ZNF268: variants seen among roughly 807,000 people sequenced by gnomAD.
The protein encoded by ZNF268 is zinc finger protein 3.
Under a neutral mutation model 29.3 loss-of-function variants are expected in ZNF268, and 20 were observed. That is an observed-to-expected ratio of 0.68 (90% CI 0.48 to 0.99). ZNF268 has a LOEUF of 0.99. Ranked by LOEUF, ZNF268 falls within the 50% of genes least tolerant of loss-of-function variation. The pLI, the probability that ZNF268 is intolerant of heterozygous loss-of-function variation, is 0.00. For missense variants in ZNF268, 1,240 were observed against 1,121.6 expected (o/e 1.11, Z -1.51); for synonymous variants, 429 against 376.9 (o/e 1.14, Z -1.60).
At chr12:133,186,767 G>T (rs1019095590) in intron 2 of ZNF268, among the ~76,000 whole-genome samples, 32 of 152,276 alleles carry the variant, frequency 2.1e-4, no homozygotes, top group African/African-American at 7.2e-4. Context: ...CTATTGATAT[G>T]TGCTATGACA....
chr12:133,193,543 A>G lies in ZNF268; in HGVS notation c.457+1540A>G, dbSNP rs1956524705. On this transcript the variant is annotated intron_variant, in intron 5 of 5. Coordinates refer to ENST00000536435, the MANE Select transcript of ZNF268 (RefSeq NM_003415.3). ...GCTGCATCCTCTGGAGGTGAGGAAC[A>G]CTGTGGGACAGAAAGAGGGGCAAAA... 4 of 663,594 alleles carry G rather than the reference A, an allele frequency of 6.0e-6. No homozygotes were observed. In the South Asian group the frequency reaches 6.7e-5, roughly 11 times the overall value. 41.1% of individuals were successfully genotyped at this position (663,594 alleles called of 1,614,324 possible). A position where few individuals can be genotyped will look rare whatever the true frequency, so the allele number is the denominator to read the frequency against.
chr12:133,211,135 T>C lies in ZNF268; in HGVS notation c.*6605T>C. On this transcript the variant is annotated 3_prime_UTR_variant, in exon 6 of 6. Coordinates refer to ENST00000536435, the MANE Select transcript of ZNF268 (RefSeq NM_003415.3). The stretch of plus-strand genomic sequence containing the variant: ...GATTTCCTATATATTTGAAATAATG[T>C]ATAGCAATAATTGGAATTTGTAATG... 1 of 393,478 alleles carries C rather than the reference T, an allele frequency of 2.5e-6. No individual in the cohort carries two copies. 24.4% of individuals were successfully genotyped at this position (393,478 alleles called of 1,614,324 possible).
chr12:133,211,317 C>G lies in ZNF268; in HGVS notation c.*6787C>G, dbSNP rs1434610518. 2.9e-6 allele frequency: 1 copy of G among 339,144 alleles called. No homozygotes were observed. The highest frequency in any genetic ancestry group is 4.1e-5 in the Admixed American group (1 of 24,186). 21.0% of individuals were successfully genotyped at this position (339,144 alleles called of 1,614,324 possible). On this transcript the variant is annotated 3_prime_UTR_variant, in exon 6 of 6. Coordinates refer to ENST00000536435, the MANE Select transcript of ZNF268 (RefSeq NM_003415.3). ...CAGATGGTGGCCAGGCACGGTGGCT[C>G]ACGCCTGTAATCCCAGCACTTTGGG...
chr12:133,203,315 CAT>C lies in ZNF268; in HGVS notation c.1630_1631del (p.Ile544TyrfsTer13). On this transcript the variant is annotated frameshift_variant, in exon 6 of 6. Transcript: ENST00000536435. LOFTEE classifies it low-confidence loss of function (END_TRUNC). ...AAGCCTTCAGTTTTAAATCACAGCT[CAT>C]TATACATCAGAGGATTCATACAGGA... Reference protein sequence around the residue: ...GKAFSFKSQLIIHQRIHTGEN... With the variant: ...GKAFSFKSQLXIHQRIHTGEN... The C allele has an allele frequency of 4.5e-6, 7 of 1,542,904 alleles. No homozygotes were observed. The highest frequency in any genetic ancestry group is 6.1e-6 in the Non-Finnish European group (7 of 1,148,714).
In ZNF268 at chr12:133,213,804, C is replaced by G. The variant is rs2135540528; in HGVS notation, c.*9274C>G. 3 of 151,920 alleles carry G rather than the reference C, an allele frequency of 2.0e-5. No homozygotes were observed. In the Middle Eastern group the frequency reaches 0.01, roughly 524 times the overall value. The allele number at this position is 151,920 out of a possible 1,614,324, so 9.4% of individuals were successfully genotyped here. The stretch of plus-strand genomic sequence containing the variant: ...CACGAGGTCAGGAGATCGAAACCAT[C>G]CTGGCTAATGTGGTGAAACCCTGTC... On this transcript the variant is annotated 3_prime_UTR_variant, in exon 6 of 6. Coordinates refer to ENST00000536435, the MANE Select transcript of ZNF268 (RefSeq NM_003415.3).
rs1330345699 is a variant in ZNF268, at chr12:133,211,993, AT to A, written c.*7464del. 1 of 152,224 alleles carries A rather than the reference AT, an allele frequency of 6.6e-6. No homozygotes were observed. The highest frequency in any genetic ancestry group is 2.4e-5 in the African/African-American group (1 of 41,454). The allele number at this position is 152,224 out of a possible 1,614,324, so 9.4% of individuals were successfully genotyped here. A position where few individuals can be genotyped will look rare whatever the true frequency, so the allele number is the denominator to read the frequency against. On this transcript the variant is annotated 3_prime_UTR_variant, in exon 6 of 6. Transcript: ENST00000536435. ...AATCAGGATAACCTTCAATAGGTGA[AT>A]GACTAACTAGGCTGGGGTACATCCA...
chr12:133,188,196 C>T, intron 3 of ZNF268, 124 bp downstream of exon 3: 2 of 894,656 alleles, frequency 2.2e-6, no homozygotes, highest in South Asian at 3.6e-5. Context: ...CAGTTCAAAA[C>T]CCCCCCACTT....
At chr12:133,189,957 G>C (rs998343084) in intron 3 of ZNF268, among the ~76,000 whole-genome samples, 1 of 151,928 alleles carries the variant, frequency 6.6e-6, no homozygotes, top group African/African-American at 2.4e-5. Context: ...ACAGGCATGT[G>C]CCACCATGCC....
chr12:133,207,393 C>T lies in ZNF268; in HGVS notation c.*2863C>T, dbSNP rs559774287. 17 of 152,238 alleles carry T rather than the reference C, an allele frequency of 1.1e-4. No homozygotes were observed. The highest frequency in any genetic ancestry group is 2.4e-4 in the Non-Finnish European group (16 of 68,022). The allele number at this position is 152,238 out of a possible 1,614,324, so 9.4% of individuals were successfully genotyped here. A position where few individuals can be genotyped will look rare whatever the true frequency, so the allele number is the denominator to read the frequency against. On this transcript the variant is annotated 3_prime_UTR_variant, in exon 6 of 6. Transcript: ENST00000536435. ...AATTCTAAATGGAATTATAGCAAAC[C>T]AATGTATAGCTAACAAGAAAGTCAT...
At position 133,212,733 on chromosome 12, in the gene ZNF268, C is replaced by T. The variant is rs987311376; in HGVS notation, c.*8203C>T. 6.6e-6 allele frequency: 1 copy of T among 151,962 alleles called. No individual in the cohort carries two copies. The highest frequency in any genetic ancestry group is 1.5e-5 in the Non-Finnish European group (1 of 68,000). The allele number at this position is 151,962 out of a possible 1,614,324, so 9.4% of individuals were successfully genotyped here. Reference sequence around the variant, plus strand: ...CTTGCCAATATTAATTAGTTTGTTTCTCTCTCATTTCATAGGCATGATCAT... The same window carrying T: ...CTTGCCAATATTAATTAGTTTGTTTTTCTCTCATTTCATAGGCATGATCAT... On this transcript the variant is annotated 3_prime_UTR_variant, in exon 6 of 6. Coordinates refer to ENST00000536435, the MANE Select transcript of ZNF268 (RefSeq NM_003415.3).
intron 5 of ZNF268, among the ~76,000 whole-genome samples, chr12:133,192,939 G>A (rs1230128355): frequency 6.6e-6 from 1 of 152,194 alleles, no homozygotes; most frequent in African/African-American, 2.4e-5. Flanking sequence ...GATTACAGGT[G>A]TCAGGCACCA....
intron 1 of ZNF268, 55 bp from the exon 2 acceptor site, chr12:133,181,891 T>C (rs887999456): frequency 3.1e-5 from 39 of 1,270,328 alleles, no homozygotes; most frequent in African/African-American, 4.5e-5. Flanking sequence ...ACCCTCCCCC[T>C]CTGGGTTTGG....
chr12:133,198,616 T>G (rs1593911904), intron 5 of ZNF268, among the ~76,000 whole-genome samples: 1 of 152,268 alleles, frequency 6.6e-6, no homozygotes, highest in East Asian at 1.9e-4. Flanking sequence ...ATCTATAAAT[T>G]ACCTTGGGCA....
At position 133,203,371 on chromosome 12, in the gene ZNF268, G is replaced by A; in HGVS notation, c.1685G>A (p.Gly562Glu). 6.5e-7 allele frequency: 1 copy of A among 1,548,904 alleles called. No homozygotes were observed. The highest frequency in any genetic ancestry group is 8.7e-7 in the Non-Finnish European group (1 of 1,151,438). ...GENPYECHEC[G>E]KAFSRKYQLI... ...AACCCCTATGAATGCCATGAATGTGGGAAAGCCTTCAGTCGGAAATACCAG... is the reference window on the plus strand; with the variant it reads ...AACCCCTATGAATGCCATGAATGTGAGAAAGCCTTCAGTCGGAAATACCAG... The change falls in exon 6 of 6, where the codon GGG becomes GAG. Residue 562 changes from glycine (G) to glutamate (E), a missense_variant. Physicochemically the swap from Gly to Glu is moderately conservative, Grantham distance 98 (BLOSUM62 -2). Transcript: ENST00000536435.
At chr12:133,199,803 A>G (rs1956706332) in intron 5 of ZNF268, among the ~76,000 whole-genome samples, 1 of 151,982 alleles carries the variant, frequency 6.6e-6, no homozygotes, top group Non-Finnish European at 1.5e-5. Context: ...ATTTCTTTAG[A>G]TTTTCTAGTT....
intron 2 of ZNF268, among the ~76,000 whole-genome samples, chr12:133,183,392 C>T (rs191168747): frequency 5.2e-4 from 79 of 151,178 alleles, no homozygotes; most frequent in Non-Finnish European, 9.9e-4. Flanking sequence ...CCCTGTTACT[C>T]GGGAGGCTGA....
rs1247047102 is a variant in ZNF268 at position 133,214,226 on chromosome 12, A to G, written c.*9696A>G. The G allele has an allele frequency of 6.6e-6, 1 of 152,242 alleles. No individual in the cohort carries two copies. Among genetic ancestry groups the G allele is most frequent in the Non-Finnish European group, 1.5e-5 (1 of 68,044 alleles). The allele number at this position is 152,242 out of a possible 1,614,324, so 9.4% of individuals were successfully genotyped here. ...AAATATAAATCAAAAATACAATGAG[A>G]TAACACTCCATACCCATCAGAATGT... On this transcript the variant is annotated 3_prime_UTR_variant, in exon 6 of 6. Coordinates refer to ENST00000536435, the MANE Select transcript of ZNF268 (RefSeq NM_003415.3).
rs1221810432 is a variant in ZNF268, at chr12:133,210,329, G to C, written c.*5799G>C. 2.5e-5 allele frequency: 4 copies of C among 159,234 alleles called. No individual in the cohort carries two copies. Among genetic ancestry groups the C allele is most frequent in the Non-Finnish European group, 4.2e-5 (3 of 71,756 alleles). 9.9% of individuals were successfully genotyped at this position (159,234 alleles called of 1,614,324 possible). ...AGGTTGTGAGGAAAAGGAAGCTTTA[G>C]TCCTCACTGTGGTTGCATCCCCCAC... On this transcript the variant is annotated 3_prime_UTR_variant, in exon 6 of 6. Coordinates refer to ENST00000536435, the MANE Select transcript of ZNF268 (RefSeq NM_003415.3).
Position 133,210,505 on chromosome 12 carries a change from T to C in ZNF268, c.*5975T>C. 4.0e-6 allele frequency: 1 copy of C among 251,972 alleles called. No homozygotes were observed. The highest frequency in any genetic ancestry group is 8.1e-6 in the Non-Finnish European group (1 of 123,592). 15.6% of individuals were successfully genotyped at this position (251,972 alleles called of 1,614,324 possible). ...AGGTCAGTCCTGAAGAGAAACAAGC[T>C]CCAGTCTTCACTGTGGTTGTGCCCC... is the stretch of plus-strand genomic sequence containing the variant. On this transcript the variant is annotated 3_prime_UTR_variant, in exon 6 of 6. Coordinates refer to ENST00000536435, the MANE Select transcript of ZNF268 (RefSeq NM_003415.3).
Sources: gnomAD v4.1 joint callset for allele counts (sites outside exome capture counted in the v4.1 genomes callset) on GRCh38, gnomAD v4.1.1 for gene constraint, MANE v1.5 for transcripts, NCBI Gene and HGNC (gene_info 2026-07-23, HGNC 2026-07-21) for gene names.